Variants in SH3D19 observed in about 807,000 individuals in gnomAD.
SH3D19 encodes the protein SH3 domain containing 19, also known as SH3 domain-containing protein 19.
In SH3D19, 58 loss-of-function variants were observed where a neutral mutation model predicts 112.1. The observed-to-expected ratio is 0.52, with a 90% CI of 0.42 to 0.64. The LOEUF (loss-of-function observed/expected upper bound fraction) is 0.64, where lower values mean the gene tolerates loss of function less well. Ranked by LOEUF, SH3D19 falls within the 30% of genes least tolerant of loss-of-function variation. SH3D19 has a pLI of 0.00. For synonymous variants in SH3D19, 391 were observed against 448.5 expected (o/e 0.87, Z 1.62); for missense variants, 1,090 against 1,263.4 (o/e 0.86, Z 2.08).
At chr4:151,223,965 A>C (rs1465032085) in intron 2 of SH3D19, among the ~76,000 whole-genome samples, 1 of 152,162 alleles carries the variant, frequency 6.6e-6, no homozygotes, top group Non-Finnish European at 1.5e-5. Flanking sequence ...ACTCCACTGC[A>C]TACTTCAGTT....
intron 1 of SH3D19, among the ~76,000 whole-genome samples, chr4:151,237,168 T>A (rs183105047): frequency 6.6e-6 from 1 of 152,222 alleles, no homozygotes; most frequent in African/African-American, 2.4e-5. Flanking sequence ...GCGGAAGGAA[T>A]GAACAACTCT....
At chr4:151,172,497 G>T (rs1384585027) in intron 7 of SH3D19, among the ~76,000 whole-genome samples, 1 of 152,166 alleles carries the variant, frequency 6.6e-6, no homozygotes, top group African/African-American at 2.4e-5. Context: ...GAGAGGCAGA[G>T]TCAAGAACTA....
At chr4:151,316,829 G>C (rs1253327192) in intron 1 of SH3D19, among the ~76,000 whole-genome samples, 1 of 152,188 alleles carries the variant, frequency 6.6e-6, no homozygotes, top group Non-Finnish European at 1.5e-5. Context: ...AGGGGGCCAG[G>C]CCTCTGCCAG....
chr4:151,276,350 C>T (rs1337200743), intron 1 of SH3D19, among the ~76,000 whole-genome samples: 2 of 152,148 alleles, frequency 1.3e-5, no homozygotes, highest in African/African-American at 4.8e-5. Context: ...AGAACTGAAG[C>T]ATTCATTCCC....
At chr4:151,167,917 CG>C (rs1758379734) in intron 7 of SH3D19, among the ~76,000 whole-genome samples, 3 of 152,156 alleles carry the variant, frequency 2.0e-5, no homozygotes, top group Non-Finnish European at 4.4e-5. Flanking sequence ...CGCCTCTGCC[CG>C]GCCGCTGTGC....
chr4:151,179,473 C>T (rs916567090), intron 3 of SH3D19, 76 bp from the exon 4 acceptor site: 12 of 809,178 alleles, frequency 1.5e-5, no homozygotes, highest in South Asian at 6.4e-5. Flanking sequence ...ACAAAGTACA[C>T]AATTGGAAAA....
chr4:151,261,877 T>C (rs1561410771), intron 1 of SH3D19, among the ~76,000 whole-genome samples: 1 of 152,120 alleles, frequency 6.6e-6, no homozygotes, highest in East Asian at 1.9e-4. Flanking sequence ...GGTAGGTGGA[T>C]AGGGGAAGGA....
At chr4:151,261,620 G>C (rs1025131383) in intron 1 of SH3D19, 8 of 152,294 alleles carry the variant, frequency 5.3e-5, no homozygotes, top group African/African-American at 1.9e-4. Context: ...CCTAGCCCTA[G>C]AGCACCAGAT....
At chr4:151,212,037 T>C (rs1290334817) in intron 2 of SH3D19, among the ~76,000 whole-genome samples, 8 of 152,240 alleles carry the variant, frequency 5.3e-5, no homozygotes, top group East Asian at 1.9e-4. Context: ...AGGACTTTCC[T>C]AGCTAGACAG....
chr4:151,228,851 CTTTTCTTTTTTT>C (rs1470352565), intron 1 of SH3D19, among the ~76,000 whole-genome samples: 3 of 58,730 alleles, frequency 5.1e-5, no homozygotes, highest in Non-Finnish European at 2.0e-4. Context: ...TGAATTTTTT[CTTTTCTTTTTTT>C]TTTTCTTTTG....
intron 2 of SH3D19, among the ~76,000 whole-genome samples, chr4:151,205,433 C>T (rs1453364174): frequency 6.6e-6 from 1 of 152,186 alleles, no homozygotes; most frequent in African/African-American, 2.4e-5. Context: ...GACCATCCCC[C>T]TGATGGTTGT....
chr4:151,190,226 A>G (rs566998980), intron 2 of SH3D19, among the ~76,000 whole-genome samples: 1 of 152,324 alleles, frequency 6.6e-6, no homozygotes, highest in South Asian at 2.1e-4. Flanking sequence ...AAAGGCATTC[A>G]ATTTTATAAG....
chr4:151,195,534 C>T (rs773067116), intron 2 of SH3D19, among the ~76,000 whole-genome samples: 9 of 151,964 alleles, frequency 5.9e-5, no homozygotes, highest in African/African-American at 2.2e-4. Flanking sequence ...CATAGGTGCT[C>T]ATGGTCTAGT....
intron 2 of SH3D19, among the ~76,000 whole-genome samples, chr4:151,200,363 A>C (rs1337792816): frequency 2.0e-5 from 3 of 152,212 alleles, no homozygotes; most frequent in Non-Finnish European, 4.4e-5. Context: ...CTGACAATTG[A>C]ATTTTCAGAA....
At chr4:151,274,627 G>A (rs142361044) in intron 1 of SH3D19, among the ~76,000 whole-genome samples, 16 of 152,328 alleles carry the variant, frequency 1.1e-4, no homozygotes, top group South Asian at 2.1e-4. Context: ...GAGCTCTTAA[G>A]CTGTCATGAA....
At chr4:151,178,736 C>T (rs1187990027) in intron 4 of SH3D19, among the ~76,000 whole-genome samples, 2 of 152,088 alleles carry the variant, frequency 1.3e-5, no homozygotes, top group African/African-American at 2.4e-5. Flanking sequence ...AATTTGACAG[C>T]AGGGACCATG....
intron 7 of SH3D19, chr4:151,170,547 A>G (rs139020255): frequency 2.0e-5 from 3 of 152,322 alleles, no homozygotes; most frequent in Admixed American, 1.3e-4. Context: ...TATTTAGTTC[A>G]TAACAAGTAG....
At chr4:151,175,731 G>A (rs1759837519) in intron 6 of SH3D19, 57 bp from the exon 7 acceptor site, 1 of 1,229,910 alleles carries the variant, frequency 8.1e-7, no homozygotes, top group Non-Finnish European at 1.0e-6. Flanking sequence ...CGTTAACAAT[G>A]TATAAGGAAA....
At chr4:151,283,369 G>A (rs1419324534) in intron 1 of SH3D19, 2 of 1,286,712 alleles carry the variant, frequency 1.6e-6, no homozygotes, top group Non-Finnish European at 2.2e-6. Flanking sequence ...AATAACAGTG[G>A]ATTGGGAGTC....
Sources: allele counts gnomAD v4.1 joint callset (sites outside exome capture counted in the v4.1 genomes callset), GRCh38; gene constraint gnomAD v4.1.1; transcripts MANE v1.5; gene names NCBI Gene and HGNC (gene_info 2026-07-23, HGNC 2026-07-21).